The following CPNE8 variants were observed in gnomAD, a reference collection of about 807,000 sequenced individuals.
CPNE8 encodes copine-8.
CPNE8 carries 45 observed loss-of-function variants against 81.5 expected under a neutral mutation model. The observed-to-expected ratio is 0.55, with a 90% CI of 0.44 to 0.71. The LOEUF is 0.71. Ranked by LOEUF, CPNE8 falls within the 30% of genes least tolerant of loss-of-function variation. The pLI, the probability that CPNE8 is intolerant of heterozygous loss-of-function variation, is 0.00. For synonymous variants in CPNE8, 252 were observed against 226.3 expected, an observed-to-expected ratio of 1.11 and a Z score of -1.02; for missense variants, 594 against 672.1, an observed-to-expected ratio of 0.88 and a Z score of 1.28.
intron 18 of CPNE8, chr12:38,671,009 T>C: frequency 2.1e-6 from 1 of 486,090 alleles, no homozygotes; most frequent in Non-Finnish European, 3.6e-6. Context: ...AACCAAGATC[T>C]TTTGTGACTC....
chr12:38,692,662 A>G (rs993666008), intron 15 of CPNE8, among the ~76,000 whole-genome samples: 1 of 152,210 alleles, frequency 6.6e-6, no homozygotes, highest in African/African-American at 2.4e-5. Flanking sequence ...AGAAAGGGAA[A>G]CATTCAATGG....
chr12:38,843,750 C>T (rs2137048519), intron 4 of CPNE8, among the ~76,000 whole-genome samples: 1 of 152,234 alleles, frequency 6.6e-6, no homozygotes. Context: ...CTGATTCCCA[C>T]ATAAGGTCTG....
At chr12:38,874,663 G>T (rs752425455) in intron 1 of CPNE8, 152 bp from the exon 2 acceptor site, 1 of 480,510 alleles carries the variant, frequency 2.1e-6, no homozygotes, top group African/African-American at 2.0e-5. Flanking sequence ...AAATAAACAT[G>T]TCCCAAGGGT....
In CPNE8 at chr12:38,652,262, T is replaced by C. The variant is rs7970273; in HGVS notation, c.*1620A>G. The stretch of plus-strand genomic sequence containing the variant: ...ATAAATAAAGCTAAATTTAAAAATC[T>C]GTAGGTAATACACTGTAGTGGCATA... On this transcript the variant is annotated 3_prime_UTR_variant, in exon 20 of 20. Transcript: ENST00000331366. 95,040 of 152,090 alleles carry C rather than the reference T, an allele frequency of 0.62. 36,648 individuals carry two copies. Among genetic ancestry groups the C allele is most frequent in the Non-Finnish European group, 0.88 (59,453 of 67,936 alleles). The allele number at this position is 152,090 out of a possible 1,614,324, so 9.4% of individuals were successfully genotyped here. A position where few individuals can be genotyped will look rare whatever the true frequency, so the allele number is the denominator to read the frequency against.
At chr12:38,831,019 G>A (rs1219519471) in intron 5 of CPNE8, among the ~76,000 whole-genome samples, 1 of 152,150 alleles carries the variant, frequency 6.6e-6, no homozygotes, top group Non-Finnish European at 1.5e-5. Context: ...GGGGTGAGAA[G>A]TGCCCTAATT....
intron 5 of CPNE8, 78 bp from the exon 6 acceptor site, chr12:38,829,533 G>T: frequency 1.0e-6 from 1 of 957,178 alleles, no homozygotes; most frequent in Non-Finnish European, 1.6e-6. Flanking sequence ...TCATACATCT[G>T]CATTGTTTTC....
At chr12:38,898,544 A>G (rs1490861439) in intron 1 of CPNE8, among the ~76,000 whole-genome samples, 2 of 152,240 alleles carry the variant, frequency 1.3e-5, no homozygotes, top group South Asian at 4.1e-4. Context: ...CATATGGCTC[A>G]TTAACAGCAC....
chr12:38,788,870 A>AC (rs1423700464), intron 6 of CPNE8, among the ~76,000 whole-genome samples: 2 of 151,946 alleles, frequency 1.3e-5, no homozygotes, highest in Non-Finnish European at 2.9e-5. Context: ...CCACAAAAAA[A>AC]ATTAAATACC....
intron 3 of CPNE8, among the ~76,000 whole-genome samples, chr12:38,868,253 T>C (rs1943943928): frequency 6.6e-6 from 1 of 152,114 alleles, no homozygotes; most frequent in Non-Finnish European, 1.5e-5. Flanking sequence ...GTAGAAACAC[T>C]ATTTATTTTT....
chr12:38,668,095 G>A (rs780297179), intron 19 of CPNE8, among the ~76,000 whole-genome samples: 7 of 152,134 alleles, frequency 4.6e-5, no homozygotes, highest in Non-Finnish European at 7.4e-5. Flanking sequence ...CACTGTGCCC[G>A]GTTGGATTCT....
chr12:38,803,513 T>A (rs1159987398), intron 6 of CPNE8, among the ~76,000 whole-genome samples: 2 of 147,632 alleles, frequency 1.4e-5, no homozygotes, highest in African/African-American at 4.9e-5. Context: ...TATTTCAGAA[T>A]AATAAGAGCT....
chr12:38,654,636 C>T (rs1187857557), intron 19 of CPNE8, among the ~76,000 whole-genome samples: 2 of 151,880 alleles, frequency 1.3e-5, no homozygotes, highest in African/African-American at 4.8e-5. Flanking sequence ...TCCAATAACT[C>T]ATGTCACTTA....
At chr12:38,860,384 T>TCA (rs34787994) in intron 3 of CPNE8, among the ~76,000 whole-genome samples, 1 of 23,150 alleles carries the variant, frequency 4.3e-5, no homozygotes, top group Non-Finnish European at 1.6e-4. Flanking sequence ...ATGGCTATTA[T>TCA]CAAAAAAAAA....
At chr12:38,796,079 G>A (rs138283521) in intron 6 of CPNE8, among the ~76,000 whole-genome samples, 16 of 152,228 alleles carry the variant, frequency 1.1e-4, no homozygotes, top group Admixed American at 7.9e-4. Context: ...TGGTCAACAT[G>A]GTGAAGGCCG....
At chr12:38,774,923 T>G (rs933447498) in intron 7 of CPNE8, among the ~76,000 whole-genome samples, 3 of 152,152 alleles carry the variant, frequency 2.0e-5, no homozygotes, top group African/African-American at 7.2e-5. Flanking sequence ...ATATTAGTGT[T>G]TAACTATTTC....
intron 10 of CPNE8, among the ~76,000 whole-genome samples, chr12:38,755,807 G>A (rs1021079673): frequency 4.6e-5 from 7 of 151,952 alleles, no homozygotes; most frequent in African/African-American, 1.7e-4. Flanking sequence ...TTGGGAGGCC[G>A]AGGCGGGCGG....
At chr12:38,742,553 T>C (rs569904989) in intron 10 of CPNE8, among the ~76,000 whole-genome samples, 1 of 141,292 alleles carries the variant, frequency 7.1e-6, no homozygotes, top group African/African-American at 2.5e-5. Context: ...TGGGGAGGGA[T>C]AGCATTAGGA....
At position 38,717,458 on chromosome 12, in the gene CPNE8, T is replaced by TATATATATATATATATAC. The variant is rs1339046227; in HGVS notation, c.914+6313_914+6314insGTATATATATATATATAT. The stretch of plus-strand genomic sequence containing the variant: ...ATATATATATATATATATATATATA[T>TATATATATATATATATAC]ACACCATGGAATACTACTCAGTCAT... On this transcript the variant is annotated intron_variant, in intron 13 of 19. Coordinates refer to ENST00000331366, the MANE Select transcript of CPNE8 (RefSeq NM_153634.3). Among the ~76,000 whole-genome samples the TATATATATATATATATAC allele has an allele frequency of 7.1e-4, 98 of 138,700 alleles. 1 individual carries two copies. The highest frequency in any genetic ancestry group is 2.5e-3 in the African/African-American group (94 of 37,400). 91.0% of individuals were successfully genotyped at this position (138,700 alleles called of 152,430 possible).
intron 13 of CPNE8, among the ~76,000 whole-genome samples, chr12:38,713,385 T>TCCGGTCCC: frequency 6.6e-6 from 1 of 152,250 alleles, no homozygotes; most frequent in Non-Finnish European, 1.5e-5. Flanking sequence ...ACAACGAAGA[T>TCCGGTCCC]ATAGAGTTCA....
Sources: allele counts gnomAD v4.1 joint callset (sites outside exome capture counted in the v4.1 genomes callset), GRCh38; gene constraint gnomAD v4.1.1; transcripts MANE v1.5; gene names NCBI Gene and HGNC (gene_info 2026-07-23, HGNC 2026-07-21).